The following MRPL48 variants were observed in gnomAD, a reference collection of about 807,000 sequenced individuals.
The protein encoded by MRPL48 is mitochondrial ribosomal protein L48.
A neutral mutation model predicts 32.9 loss-of-function variants in MRPL48; 16 were observed. That is an observed-to-expected ratio of 0.49 (90% confidence interval 0.33 to 0.74). The LOEUF (loss-of-function observed/expected upper bound fraction) is 0.74. Ranked by LOEUF, MRPL48 falls within the 30% of genes least tolerant of loss-of-function variation. MRPL48 has a pLI of 0.02. For missense variants in MRPL48, 206 were observed against 245.3 expected (o/e 0.84, Z 1.07); for synonymous variants, 94 against 89.2 (o/e 1.05, Z -0.31).
At chr11:73,847,453 T>C (rs1391632575) in intron 5 of MRPL48, among the ~76,000 whole-genome samples, 1 of 151,856 alleles carries the variant, frequency 6.6e-6, no homozygotes, top group East Asian at 1.9e-4. Flanking sequence ...TTCCTTTTTT[T>C]TTTTTGAGAC....
chr11:73,840,530 C>T (rs560679121), intron 4 of MRPL48, among the ~76,000 whole-genome samples: 6 of 152,198 alleles, frequency 3.9e-5, no homozygotes, highest in East Asian at 1.9e-4. Context: ...GACGGAGTCT[C>T]GCTCTGTCAC....
intron 4 of MRPL48, among the ~76,000 whole-genome samples, chr11:73,827,866 G>T (rs934944643): frequency 2.0e-5 from 3 of 152,262 alleles, no homozygotes; most frequent in South Asian, 2.1e-4. Flanking sequence ...TACTAAAATT[G>T]TTCCTTTGTA....
chr11:73,823,823 C>T (rs1670565), intron 3 of MRPL48, among the ~76,000 whole-genome samples: 77,139 of 150,950 alleles, frequency 0.51, 20,954 homozygotes, highest in African/African-American at 0.71. Context: ...ACTATGGCTA[C>T]CTGGGTCTAC....
intron 1 of MRPL48, among the ~76,000 whole-genome samples, chr11:73,796,419 C>T (rs866856820): frequency 1.3e-5 from 2 of 152,352 alleles, no homozygotes; most frequent in East Asian, 1.9e-4. Flanking sequence ...TACACACATT[C>T]GGGGCAGTGC....
intron 3 of MRPL48, among the ~76,000 whole-genome samples, chr11:73,824,162 A>AT (rs1443792573): frequency 6.6e-6 from 1 of 151,742 alleles, no homozygotes; most frequent in Non-Finnish European, 1.5e-5. Context: ...CCAAGACCCT[A>AT]TTTTTTTAAT....
At chr11:73,823,693 T>G (rs1460737679) in intron 3 of MRPL48, among the ~76,000 whole-genome samples, 1 of 149,452 alleles carries the variant, frequency 6.7e-6, no homozygotes, top group African/African-American at 2.5e-5. Flanking sequence ...AGACAGGATC[T>G]TCTTATGTTG....
At chr11:73,789,848 T>C (rs1590921311) in intron 1 of MRPL48, among the ~76,000 whole-genome samples, 1 of 152,158 alleles carries the variant, frequency 6.6e-6, no homozygotes, top group Non-Finnish European at 1.5e-5. Flanking sequence ...TGGTATATAA[T>C]AGAGACTTTA....
chr11:73,864,371 C>T lies in MRPL48; in HGVS notation c.*1C>T, dbSNP rs748792335. 3 of 1,613,558 alleles carry T rather than the reference C, an allele frequency of 1.9e-6. No homozygotes were observed. The highest frequency in any genetic ancestry group is 2.7e-5 in the African/African-American group (2 of 74,922). ...AGAACTGTTGGCCAAGTTGAAGTAG[C>T]TACTGTAGACCCTTTCATGCCAGCA... On this transcript the variant is annotated 3_prime_UTR_variant, in exon 8 of 8. Coordinates refer to ENST00000310614, the MANE Select transcript of MRPL48 (RefSeq NM_016055.6).
chr11:73,855,868 T>G (rs1218074001), intron 5 of MRPL48, among the ~76,000 whole-genome samples: 1 of 152,238 alleles, frequency 6.6e-6, no homozygotes, highest in African/African-American at 2.4e-5. Context: ...AGTTAGATCT[T>G]TATGTTATAT....
At chr11:73,850,859 G>A (rs1036997809) in intron 5 of MRPL48, 10 of 233,842 alleles carry the variant, frequency 4.3e-5, no homozygotes, top group African/African-American at 1.9e-4. Flanking sequence ...TGTATTTTTG[G>A]TAGAGACGGG....
chr11:73,850,599 T>G, intron 5 of MRPL48: 1 of 346,640 alleles, frequency 2.9e-6, no homozygotes. Flanking sequence ...CTAAGTTGCT[T>G]TAATAACATT....
intron 1 of MRPL48, 91 bp downstream of exon 1, chr11:73,788,083 GGC>G: frequency 6.4e-7 from 1 of 1,558,640 alleles, no homozygotes; most frequent in Admixed American, 1.9e-5. Context: ...GGGAGGTGGC[GGC>G]GCGCGGACAT....
At chr11:73,794,237 C>G (rs1214139377) in intron 1 of MRPL48, among the ~76,000 whole-genome samples, 1 of 136,494 alleles carries the variant, frequency 7.3e-6, no homozygotes, top group Admixed American at 7.6e-5. Flanking sequence ...TCTAAACTAT[C>G]TGTCTCTGAA....
At chr11:73,849,835 C>CACCT (rs1326965440) in intron 5 of MRPL48, among the ~76,000 whole-genome samples, 2 of 152,224 alleles carry the variant, frequency 1.3e-5, no homozygotes, top group Non-Finnish European at 2.9e-5. Flanking sequence ...CAGTGGCTTA[C>CACCT]ACCTGTAATC....
chr11:73,829,812 T>G (rs1947960732), intron 4 of MRPL48, among the ~76,000 whole-genome samples: 1 of 152,220 alleles, frequency 6.6e-6, no homozygotes. Flanking sequence ...TCACCCAGGC[T>G]GGAATGCAGT....
At chr11:73,805,784 A>G (rs1176088780) in intron 2 of MRPL48, among the ~76,000 whole-genome samples, 4 of 151,214 alleles carry the variant, frequency 2.6e-5, no homozygotes, top group African/African-American at 7.3e-5. Flanking sequence ...TCAGCCTCCC[A>G]AGTAGCTGGG....
chr11:73,855,475 C>CT (rs1948468806), intron 5 of MRPL48, among the ~76,000 whole-genome samples: 1 of 151,988 alleles, frequency 6.6e-6, no homozygotes, highest in Non-Finnish European at 1.5e-5. Context: ...CTAGCTTCTA[C>CT]TTTTTTCTTA....
chr11:73,864,572 C>A lies in MRPL48; in HGVS notation c.*202C>A. ...TTACCTATGAGGTAATGCTTGTTAT[C>A]TTCCATCTAATAAAAATCTGCTGCA... On this transcript the variant is annotated 3_prime_UTR_variant, in exon 8 of 8. Transcript: ENST00000310614. 1.7e-6 allele frequency: 1 copy of A among 589,968 alleles called. No individual in the cohort carries two copies. The highest frequency in any genetic ancestry group is 3.0e-6 in the Non-Finnish European group (1 of 330,416). The allele number at this position is 589,968 out of a possible 1,614,324, so 36.5% of individuals were successfully genotyped here.
chr11:73,787,929 C>T lies in MRPL48; in HGVS notation c.-43C>T, dbSNP rs751599078. 1.9e-6 allele frequency: 3 copies of T among 1,605,070 alleles called. No individual in the cohort carries two copies. The highest frequency in any genetic ancestry group is 1.7e-6 in the Non-Finnish European group (2 of 1,174,732). On this transcript the variant is annotated 5_prime_UTR_variant, in exon 1 of 8. Coordinates refer to ENST00000310614, the MANE Select transcript of MRPL48 (RefSeq NM_016055.6). ...GCCCTGGGAACGCGGCTGCAGGGTC[C>T]GGTCTTCGGTTTGCACAGCTAGAGG...
Sources: gnomAD v4.1 joint callset for allele counts (sites outside exome capture counted in the v4.1 genomes callset) on GRCh38, gnomAD v4.1.1 for gene constraint, MANE v1.5 for transcripts, NCBI Gene and HGNC (gene_info 2026-07-23, HGNC 2026-07-21) for gene names.